Variants in HDAC9 observed in about 807,000 individuals in gnomAD.
HDAC9 encodes the protein MEF-2 interacting transcription repressor (MITR) protein.
In HDAC9, 41 loss-of-function variants were observed where a neutral mutation model predicts 139.4. The observed-to-expected ratio is 0.29, with a 90% CI of 0.23 to 0.38. The LOEUF (loss-of-function observed/expected upper bound fraction) is 0.38, where lower values mean the gene tolerates loss of function less well. Among genes scored for constraint, HDAC9 ranks in the 10% least tolerant of loss-of-function variants. The probability of loss-of-function intolerance (pLI) is 1.00; values close to 1 mark genes in which losing one functional copy is unlikely to be tolerated. For synonymous variants in HDAC9, 517 were observed against 476.2 expected (o/e 1.09, Z -1.12); for missense variants, 1,147 against 1,297.0 (o/e 0.88, Z 1.78).
chr7:18,325,214 A>G (rs551617513), intron 1 of HDAC9, among the ~76,000 whole-genome samples: 1 of 152,264 alleles, frequency 6.6e-6, no homozygotes, highest in African/African-American at 2.4e-5. Context: ...AAGCATGTGA[A>G]TATAAATATT....
intron 1 of HDAC9, among the ~76,000 whole-genome samples, chr7:18,481,001 A>G (rs1440916859): frequency 6.6e-6 from 1 of 152,166 alleles, no homozygotes; most frequent in Non-Finnish European, 1.5e-5. Context: ...CCTAGGCTGC[A>G]GCCCTGCAGC....
At chr7:18,793,833 A>T (rs557546553) in intron 17 of HDAC9, among the ~76,000 whole-genome samples, 2 of 152,338 alleles carry the variant, frequency 1.3e-5, no homozygotes, top group African/African-American at 4.8e-5. Flanking sequence ...ATAAGCTCAG[A>T]ATACCACCCA....
intron 2 of HDAC9, among the ~76,000 whole-genome samples, chr7:18,260,834 A>G (rs975551993): frequency 6.6e-6 from 1 of 152,178 alleles, no homozygotes; most frequent in Non-Finnish European, 1.5e-5. Flanking sequence ...GAGACATTAT[A>G]CTGCTTTCTT....
intron 12 of HDAC9, among the ~76,000 whole-genome samples, chr7:18,694,620 C>T (rs1181206068): frequency 6.6e-6 from 1 of 152,006 alleles, no homozygotes; most frequent in South Asian, 2.1e-4. Flanking sequence ...AACTTGGCTG[C>T]CTGCTTCAGA....
intron 2 of HDAC9, among the ~76,000 whole-genome samples, chr7:18,582,722 T>A (rs910100328): frequency 6.6e-6 from 1 of 152,152 alleles, no homozygotes. Context: ...GACATTGAAC[T>A]GTTTTTTTCC....
At chr7:18,632,213 A>G (rs1008711472) in intron 7 of HDAC9, among the ~76,000 whole-genome samples, 5 of 151,994 alleles carry the variant, frequency 3.3e-5, no homozygotes, top group African/African-American at 1.2e-4. Context: ...ATTAAAAAAA[A>G]TTAATCAAAA....
At chr7:18,561,298 C>A (rs1820520542) in intron 2 of HDAC9, among the ~76,000 whole-genome samples, 2 of 152,148 alleles carry the variant, frequency 1.3e-5, no homozygotes, top group South Asian at 4.1e-4. Flanking sequence ...ACTGAGCATA[C>A]TTTAAAAATT....
chr7:18,764,677 T>C (rs1014988783), intron 15 of HDAC9, among the ~76,000 whole-genome samples: 1 of 152,180 alleles, frequency 6.6e-6, no homozygotes, highest in African/African-American at 2.4e-5. Context: ...AGCTGCCATA[T>C]GTGAATGTAT....
chr7:18,582,806 A>G lies in HDAC9; in HGVS notation c.23-2475A>G, dbSNP rs78789687. On this transcript the variant is annotated intron_variant, in intron 2 of 25. Coordinates refer to ENST00000686413, the MANE Select transcript of HDAC9 (RefSeq NM_178425.4). ...GAATCAAATGGTAGAAATATGTAAC[A>G]CTTCTTGATACGTATTACCAAATTG... Among the ~76,000 whole-genome samples, 10 of 152,266 alleles carry G rather than the reference A, an allele frequency of 6.6e-5. No homozygotes were observed. The East Asian group carries it at 1.9e-3, about 29-fold the overall frequency.
chr7:18,762,394 C>A, intron 15 of HDAC9, 117 bp downstream of exon 15: 2 of 1,138,426 alleles, frequency 1.8e-6, no homozygotes, highest in Non-Finnish European at 2.5e-6. Context: ...GTTTTTCCAA[C>A]AGCTTTGCTC....
intron 1 of HDAC9, among the ~76,000 whole-genome samples, chr7:18,112,632 G>T (rs1783703349): frequency 6.6e-6 from 1 of 152,104 alleles, no homozygotes; most frequent in Non-Finnish European, 1.5e-5. Flanking sequence ...TTGGCTATAT[G>T]GAATTTTCAG....
intron 6 of HDAC9, among the ~76,000 whole-genome samples, chr7:18,617,843 T>G (rs1839086708): frequency 6.6e-6 from 1 of 152,182 alleles, no homozygotes; most frequent in Non-Finnish European, 1.5e-5. Context: ...ATTTGGGTAT[T>G]TAAAATTCTA....
intron 12 of HDAC9, among the ~76,000 whole-genome samples, chr7:18,705,868 AT>A (rs796935409): frequency 0.08 from 11,342 of 141,988 alleles, 2,442 homozygotes; most frequent in African/African-American, 0.27. Flanking sequence ...AAAAAATAAA[AT>A]AAAATAAAAT....
chr7:18,609,888 T>G (rs553717674), intron 6 of HDAC9, among the ~76,000 whole-genome samples: 1 of 151,884 alleles, frequency 6.6e-6, no homozygotes, highest in Non-Finnish European at 1.5e-5. Context: ...GTGTTTGGGT[T>G]TTTGTCCTTG....
intron 1 of HDAC9, among the ~76,000 whole-genome samples, chr7:18,147,419 T>C (rs1786420710): frequency 6.6e-6 from 1 of 152,208 alleles, no homozygotes; most frequent in East Asian, 1.9e-4. Flanking sequence ...GGCAAGTTAA[T>C]AGGGATACTT....
At chr7:18,749,678 A>G (rs1788280161) in intron 14 of HDAC9, among the ~76,000 whole-genome samples, 1 of 152,216 alleles carries the variant, frequency 6.6e-6, no homozygotes, top group African/African-American at 2.4e-5. Flanking sequence ...GCGCTTGGTG[A>G]ATACCATTTT....
Position 18,829,143 on chromosome 7 carries a change from C to T in HDAC9, c.2323-18C>T. Reference sequence around the variant, plus strand: ...CTCCATTATATCTGACCATTGAAAACCTGTCTTGTTTTCACAGAATGGGTT... The same window carrying T: ...CTCCATTATATCTGACCATTGAAAATCTGTCTTGTTTTCACAGAATGGGTT... On this transcript the variant is annotated intron_variant, in intron 17 of 25. Transcript: ENST00000686413. 6.3e-7 allele frequency: 1 copy of T among 1,599,494 alleles called. No homozygotes were observed. Among genetic ancestry groups the T allele is most frequent in the Non-Finnish European group, 8.6e-7 (1 of 1,166,594 alleles).
At chr7:18,257,401 CCACACACACA>C (rs773964606) in intron 2 of HDAC9, among the ~76,000 whole-genome samples, 1 of 130,860 alleles carries the variant, frequency 7.6e-6, no homozygotes, top group Non-Finnish European at 1.6e-5. Context: ...TCTGTCTCTC[CCACACACACA>C]CACACACACA....
At chr7:18,262,151 A>G (rs562235568) in intron 2 of HDAC9, among the ~76,000 whole-genome samples, 2 of 152,356 alleles carry the variant, frequency 1.3e-5, no homozygotes, top group South Asian at 2.1e-4. Context: ...GCAAAGGGCT[A>G]TAGTAACCCA....
Sources: gnomAD v4.1 joint callset for allele counts (sites outside exome capture counted in the v4.1 genomes callset) on GRCh38, gnomAD v4.1.1 for gene constraint, MANE v1.5 for transcripts, NCBI Gene and HGNC (gene_info 2026-07-23, HGNC 2026-07-21) for gene names.